NRXN3: variants seen among roughly 807,000 people sequenced by gnomAD.
NRXN3 encodes the protein neurexin III.
A neutral mutation model predicts 137.6 loss-of-function variants in NRXN3; 32 were observed. That is an observed-to-expected ratio of 0.23 (90% CI 0.18 to 0.31). NRXN3 has a LOEUF of 0.31. Ranked by LOEUF, NRXN3 falls within the 10% of genes least tolerant of loss-of-function variation. The pLI, the probability that NRXN3 is intolerant of heterozygous loss-of-function variation, is 1.00. For synonymous variants in NRXN3, 798 were observed against 784.5 expected, an observed-to-expected ratio of 1.02 and a Z score of -0.29; for missense variants, 1,574 against 2,062.5, an observed-to-expected ratio of 0.76 and a Z score of 4.59.
At chr14:79,436,201 G>T (rs997218859) in intron 15 of NRXN3, among the ~76,000 whole-genome samples, 2 of 152,192 alleles carry the variant, frequency 1.3e-5, no homozygotes, top group African/African-American at 2.4e-5. Context: ...GACCATTTCT[G>T]TGACTGTGTT....
chr14:78,246,026 A>G (rs764943858), intron 2 of NRXN3, among the ~76,000 whole-genome samples: 1 of 152,184 alleles, frequency 6.6e-6, no homozygotes, highest in Non-Finnish European at 1.5e-5. Flanking sequence ...TGACATGATC[A>G]CTTGTTTTCT....
intron 16 of NRXN3, among the ~76,000 whole-genome samples, chr14:79,510,388 G>A (rs1350211918): frequency 6.6e-6 from 1 of 152,172 alleles, no homozygotes; most frequent in Non-Finnish European, 1.5e-5. Flanking sequence ...AAGAGCATGG[G>A]TAGAGGATGA....
Position 79,479,210 on chromosome 14 carries a change from G to A in NRXN3, c.3444+11808G>A, listed in dbSNP as rs548982794. ...ATAATTCCGCTGGCTGACTTTTCAT[G>A]GCTAAAAACCCATATTCTTATCTGT... On this transcript the variant is annotated intron_variant, in intron 16 of 20. Transcript: ENST00000335750. 9.2e-5 allele frequency among the ~76,000 whole-genome samples: 14 copies of A among 152,060 alleles called. No individual in the cohort carries two copies. The East Asian group carries it at 1.9e-3, about 21-fold the overall frequency.
At chr14:78,205,955 A>G (rs1248546766) in intron 1 of NRXN3, among the ~76,000 whole-genome samples, 1 of 152,188 alleles carries the variant, frequency 6.6e-6, no homozygotes, top group Non-Finnish European at 1.5e-5. Flanking sequence ...GGCAGTGAGG[A>G]TAGAAAGGGG....
At chr14:78,512,987 C>G (rs1174727701) in intron 4 of NRXN3, among the ~76,000 whole-genome samples, 2 of 152,216 alleles carry the variant, frequency 1.3e-5, no homozygotes, top group Non-Finnish European at 2.9e-5. Context: ...TAGCCCAATT[C>G]TGTTTGCTCC....
chr14:78,791,914 G>A (rs1038994475), intron 8 of NRXN3, among the ~76,000 whole-genome samples: 4 of 151,954 alleles, frequency 2.6e-5, no homozygotes, highest in African/African-American at 4.8e-5. Context: ...CAATTAAACC[G>A]TAGCTAATTC....
chr14:78,811,991 G>GT (rs543870564), intron 10 of NRXN3, among the ~76,000 whole-genome samples: 49 of 151,618 alleles, frequency 3.2e-4, no homozygotes, highest in Non-Finnish European at 5.2e-4. Context: ...TTCTGTTCCT[G>GT]TTTTTTTGGT....
chr14:79,702,379 G>A (rs972209218), intron 19 of NRXN3, among the ~76,000 whole-genome samples: 2 of 152,006 alleles, frequency 1.3e-5, no homozygotes, highest in South Asian at 2.1e-4. Flanking sequence ...AGTGACTCAT[G>A]AATGGCTCTT....
intron 16 of NRXN3, among the ~76,000 whole-genome samples, chr14:79,630,034 T>C (rs2098328604): frequency 6.6e-6 from 1 of 152,212 alleles, no homozygotes; most frequent in Non-Finnish European, 1.5e-5. Context: ...CCTATGAACC[T>C]AGCTGCTGTG....
intron 15 of NRXN3, among the ~76,000 whole-genome samples, chr14:79,027,508 A>G (rs2099600576): frequency 1.3e-5 from 2 of 152,294 alleles, no homozygotes; most frequent in East Asian, 1.9e-4. Flanking sequence ...GCTAGTTATA[A>G]TGCCAGTGCA....
chr14:79,300,475 G>A (rs966109214), intron 15 of NRXN3, among the ~76,000 whole-genome samples: 4 of 151,978 alleles, frequency 2.6e-5, no homozygotes, highest in Non-Finnish European at 2.9e-5. Flanking sequence ...GCAGATAGAC[G>A]GGGGATGATG....
chr14:79,330,615 G>T (rs2091539819), intron 15 of NRXN3, among the ~76,000 whole-genome samples: 1 of 152,176 alleles, frequency 6.6e-6, no homozygotes, highest in South Asian at 2.1e-4. Flanking sequence ...GTGGAGTGAG[G>T]GATAGAAGTA....
Position 78,347,438 on chromosome 14 carries a change from C to G in NRXN3, c.757+49578C>G, listed in dbSNP as rs17107409. On this transcript the variant is annotated intron_variant, in intron 4 of 20. Coordinates refer to ENST00000335750, the MANE Select transcript of NRXN3 (RefSeq NM_001330195.2). ...TATCCCACGGAGTGTTTTACCAAGC[C>G]ACTCCCTGGATGATAATAGAGCTCC... Among the ~76,000 whole-genome samples, 816 of 152,320 alleles carry G rather than the reference C, an allele frequency of 5.4e-3. 5 individuals carry two copies. The highest frequency in any genetic ancestry group is 0.019 in the African/African-American group (791 of 41,572).
At position 78,993,834 on chromosome 14, in the gene NRXN3, A is replaced by ATTTTTT. The variant is rs58170856; in HGVS notation, c.3262+5721_3262+5726dup. On this transcript the variant is annotated intron_variant, in intron 15 of 20. Coordinates refer to ENST00000335750, the MANE Select transcript of NRXN3 (RefSeq NM_001330195.2). ...GTTTTCATTGAAGATGAGCCTTGAA[A>ATTTTTT]TTTTTTTTTTTTTTTTTTTTTTTTT... is the stretch of plus-strand genomic sequence containing the variant. Among the ~76,000 whole-genome samples, 200 of 67,006 alleles carry ATTTTTT rather than the reference A, an allele frequency of 3.0e-3. 17 individuals are homozygous for ATTTTTT. Among genetic ancestry groups the ATTTTTT allele is most frequent in the Non-Finnish European group, 4.5e-3 (143 of 31,938 alleles). 44.0% of individuals were successfully genotyped at this position (67,006 alleles called of 152,430 possible).
At chr14:78,446,956 C>T (rs1017169257) in intron 4 of NRXN3, among the ~76,000 whole-genome samples, 1 of 152,172 alleles carries the variant, frequency 6.6e-6, no homozygotes, top group African/African-American at 2.4e-5. Flanking sequence ...CTGAGCTTTA[C>T]TCGCCATTTA....
chr14:78,872,125 T>A (rs916532585), intron 10 of NRXN3, among the ~76,000 whole-genome samples: 6 of 151,778 alleles, frequency 4.0e-5, no homozygotes, highest in Non-Finnish European at 7.4e-5. Flanking sequence ...ATTTTTATTT[T>A]GATGTCTTTA....
intron 10 of NRXN3, among the ~76,000 whole-genome samples, chr14:78,823,834 G>A (rs1007412130): frequency 2.6e-5 from 4 of 151,390 alleles, no homozygotes; most frequent in African/African-American, 4.8e-5. Flanking sequence ...TGGGTTACAC[G>A]TTAAAAAAAA....
intron 10 of NRXN3, among the ~76,000 whole-genome samples, chr14:78,849,330 T>G (rs141323033): frequency 2.2e-4 from 33 of 152,234 alleles, no homozygotes; most frequent in African/African-American, 5.3e-4. Flanking sequence ...AAAGTCTCAG[T>G]TGTCCCCAGG....
At chr14:79,831,524 G>A (rs1603617883) in intron 20 of NRXN3, among the ~76,000 whole-genome samples, 1 of 152,136 alleles carries the variant, frequency 6.6e-6, no homozygotes, top group Admixed American at 6.5e-5. Context: ...AAGTTTCTAT[G>A]AGCCTTGGCA....
Sources: allele counts gnomAD v4.1 joint callset (sites outside exome capture counted in the v4.1 genomes callset), GRCh38; gene constraint gnomAD v4.1.1; transcripts MANE v1.5; gene names NCBI Gene and HGNC (gene_info 2026-07-23, HGNC 2026-07-21).